MAPT: variants seen among roughly 807,000 people sequenced by gnomAD.
The protein encoded by MAPT is microtubule associated protein tau, also known as microtubule-associated protein tau.
In MAPT, 34 loss-of-function variants were observed where a neutral mutation model predicts 67.9. The ratio of observed to expected loss-of-function variants is 0.50; its 90% CI spans 0.38 to 0.67. The LOEUF is 0.67. MAPT is among the 30% of genes least tolerant of loss of function. The pLI is 0.00. For missense variants in MAPT, 881 were observed against 1,115.2 expected, an observed-to-expected ratio of 0.79 and a Z score of 2.99; for synonymous variants, 456 against 464.5, an observed-to-expected ratio of 0.98 and a Z score of 0.23.
chr17:45,917,747 T>C (rs879390239), intron 1 of MAPT, among the ~76,000 whole-genome samples: 7 of 151,724 alleles, frequency 4.6e-5, no homozygotes, highest in Non-Finnish European at 7.4e-5. Context: ...GTGAACTCTG[T>C]GGATCCTGGA....
intron 2 of MAPT, among the ~76,000 whole-genome samples, chr17:45,970,156 T>G (rs186021942): frequency 6.6e-6 from 1 of 151,878 alleles, no homozygotes; most frequent in Non-Finnish European, 1.5e-5. Flanking sequence ...ATCCATCCAG[T>G]TATACATTCA....
At chr17:45,947,260 C>T (rs554269153) in intron 1 of MAPT, among the ~76,000 whole-genome samples, 26 of 152,074 alleles carry the variant, frequency 1.7e-4, no homozygotes, top group East Asian at 1.9e-4. Flanking sequence ...AAAGGAGACA[C>T]AGCTCCTTCT....
At chr17:46,014,095 A>G (rs1203690741) in intron 10 of MAPT, 148 bp from the exon 11 acceptor site, 1 of 690,254 alleles carries the variant, frequency 1.4e-6, no homozygotes, top group Non-Finnish European at 2.7e-6. Context: ...GGCAGCTGGG[A>G]ACCACTGTCC....
At chr17:45,921,110 C>A (rs2065670337) in intron 1 of MAPT, among the ~76,000 whole-genome samples, 1 of 152,200 alleles carries the variant, frequency 6.6e-6, no homozygotes, top group African/African-American at 2.4e-5. Context: ...TAGGGATAAT[C>A]CCTTAGTTGT....
intron 11 of MAPT, among the ~76,000 whole-genome samples, chr17:46,015,185 C>T (rs1306615961): frequency 6.6e-6 from 1 of 151,812 alleles, no homozygotes; most frequent in Non-Finnish European, 1.5e-5. Flanking sequence ...CATGGTGAAA[C>T]CCCATCTCTA....
intron 1 of MAPT, among the ~76,000 whole-genome samples, chr17:45,946,623 T>A (rs201305172): frequency 0.02 from 2,046 of 101,188 alleles, 35 homozygotes; most frequent in African/African-American, 0.047. Flanking sequence ...AAAATATATA[T>A]ATATATATAT....
intron 9 of MAPT, among the ~76,000 whole-genome samples, chr17:46,000,663 A>C (rs2074926300): frequency 6.6e-6 from 1 of 152,142 alleles, no homozygotes; most frequent in South Asian, 2.1e-4. Context: ...AGCCTGGCTG[A>C]GACTCAGTGG....
In MAPT at chr17:45,989,913, T is replaced by A. The variant is rs763925124; in HGVS notation, c.1443T>A (p.Asn481Lys). ...GTTCCTCTGCTAAAACCTTGAAAAA[T>A]AGGCCTTGCCTTAGCCCCAAACACC... ...STRSSAKTLKNRPCLSPKHPT... is the reference protein window; with the variant it reads ...STRSSAKTLKKRPCLSPKHPT... Residue 481 changes from asparagine (N) to lysine (K), a missense_variant, in exon 7 of 13, where the codon AAT (asparagine) becomes AAA (lysine). By Grantham distance (94) the Asn-to-Lys change is moderately conservative. Coordinates refer to ENST00000262410, the MANE Select transcript of MAPT (RefSeq NM_001377265.1). 6.2e-7 allele frequency: 1 copy of A among 1,614,168 alleles called. No homozygotes were observed. Among genetic ancestry groups the A allele is most frequent in the African/African-American group, 1.3e-5 (1 of 75,034 alleles).
At chr17:45,999,560 T>C in intron 9 of MAPT, 1 of 1,613,076 alleles carries the variant, frequency 6.2e-7, no homozygotes, top group Admixed American at 1.7e-5. Flanking sequence ...GGAAGACAAC[T>C]TTCCATTGAA....
In MAPT at chr17:45,915,322, G is replaced by A. The variant is rs556077245; in HGVS notation, c.-18+20636G>A. Among the ~76,000 whole-genome samples, 1 of 150,686 alleles carries A rather than the reference G, an allele frequency of 6.6e-6. No homozygotes were observed. The highest frequency in any genetic ancestry group is 6.6e-5 in the Admixed American group (1 of 15,144). On this transcript the variant is annotated intron_variant, in intron 1 of 12. Coordinates refer to ENST00000262410, the MANE Select transcript of MAPT (RefSeq NM_001377265.1). This position sits in a 1 kb window ranked among gnomAD's most constrained non-coding sequence, Gnocchi z 4.4. ...TGTGAGCGTGTGTGAGTCTGTGTGT[G>A]TAGTGTGTGTGTGAAGTATGTGGTG...
intron 6 of MAPT, 65 bp downstream of exon 6, chr17:45,987,160 CT>C: frequency 7.1e-7 from 1 of 1,405,536 alleles, no homozygotes; most frequent in Non-Finnish European, 1.0e-6. Context: ...TGCTTTATGT[CT>C]GATTCATTCT....
chr17:45,919,018 C>T (rs1339303186), intron 1 of MAPT, among the ~76,000 whole-genome samples: 2 of 151,470 alleles, frequency 1.3e-5, no homozygotes, highest in East Asian at 1.9e-4. Flanking sequence ...GCCAAGATCG[C>T]CCCACTGCAC....
At position 45,990,089 on chromosome 17, in the gene MAPT, C is replaced by G; in HGVS notation, c.1605+14C>G. 5 of 1,612,874 alleles carry G rather than the reference C, an allele frequency of 3.1e-6. No individual in the cohort carries two copies. The highest frequency in any genetic ancestry group is 4.2e-6 in the Non-Finnish European group (5 of 1,178,792). ...ATGAAACTCAAGGTAAGGAAACCACCTTTGAAAAGAACCAGGCTGCTCTGC... is the reference window on the plus strand; with the variant it reads ...ATGAAACTCAAGGTAAGGAAACCACGTTTGAAAAGAACCAGGCTGCTCTGC... On this transcript the variant is annotated intron_variant, in intron 7 of 12. Transcript: ENST00000262410.
In MAPT at chr17:46,024,085, A is replaced by G. The variant is rs780581192; in HGVS notation, c.2416A>G (p.Thr806Ala). The G allele has an allele frequency of 2.5e-6, 4 of 1,614,020 alleles. No individual in the cohort carries two copies. Among genetic ancestry groups the G allele is most frequent in the Non-Finnish European group, 3.4e-6 (4 of 1,180,012 alleles). The part of the protein sequence containing the change: ...SPRHLSNVSS[T>A]GSIDMVDSPQ... ...ACGGCATCTCAGCAATGTCTCCTCC[A>G]CCGGCAGCATCGACATGGTAGACTC... The change falls in exon 13 of 13, where the codon ACC (threonine) becomes GCC (alanine). Residue 806 changes from threonine to alanine, a missense_variant. Thr to Ala is a moderately conservative substitution (Grantham distance 58, BLOSUM62 0). Around this residue, in one of 6 missense-constraint regions of MAPT, gnomAD observed 79 missense variants for 150.9 expected, o/e 0.52. Coordinates refer to ENST00000262410, the MANE Select transcript of MAPT (RefSeq NM_001377265.1).
chr17:45,976,798 C>A (rs999615408), intron 3 of MAPT: 1 of 152,368 alleles, frequency 6.6e-6, no homozygotes, highest in Non-Finnish European at 1.5e-5. Flanking sequence ...TCAAGCCGGG[C>A]CTGGCTATCG....
At chr17:45,908,802 TCCA>T (rs2064523554) in intron 1 of MAPT, among the ~76,000 whole-genome samples, 1 of 152,072 alleles carries the variant, frequency 6.6e-6, no homozygotes, top group African/African-American at 2.4e-5. Flanking sequence ...CACGTTCTCC[TCCA>T]CATTTAAGAA....
chr17:45,972,322 A>C (rs2071786986), intron 3 of MAPT, among the ~76,000 whole-genome samples: 1 of 152,208 alleles, frequency 6.6e-6, no homozygotes, highest in Non-Finnish European at 1.5e-5. Flanking sequence ...GTCAGTGGAC[A>C]TCTGATCTTG....
intron 1 of MAPT, among the ~76,000 whole-genome samples, chr17:45,912,699 A>G (rs986385559): frequency 6.6e-6 from 1 of 152,280 alleles, no homozygotes; most frequent in Non-Finnish European, 1.5e-5. Flanking sequence ...CAGCAGCCAC[A>G]GGAATCAAAA....
intron 9 of MAPT, among the ~76,000 whole-genome samples, chr17:46,006,453 G>T (rs1463355223): frequency 6.6e-6 from 1 of 152,066 alleles, no homozygotes; most frequent in Admixed American, 6.6e-5. Context: ...GGAGCAGGGA[G>T]AAAGTAGGGA....
Sources: allele counts gnomAD v4.1 joint callset (sites outside exome capture counted in the v4.1 genomes callset), GRCh38; gene constraint gnomAD v4.1.1; regional missense constraint gnomAD v4.1.1; non-coding constraint Gnocchi (gnomAD v3.1); transcripts MANE v1.5; gene names NCBI Gene and HGNC (gene_info 2026-07-23, HGNC 2026-07-21).